Variants in IGF1R observed in about 807,000 individuals in gnomAD.
IGF1R encodes insulin like growth factor 1 receptor, also known as insulin-like growth factor 1 receptor.
A neutral mutation model predicts 144.6 loss-of-function variants in IGF1R; 44 were observed. The ratio of observed to expected loss-of-function variants is 0.30; its 90% confidence interval spans 0.24 to 0.39. The LOEUF (loss-of-function observed/expected upper bound fraction) is 0.39, where lower values mean the gene tolerates loss of function less well. IGF1R is among the 10% of genes least tolerant of loss of function. IGF1R has a pLI of 1.00. For missense variants in IGF1R, 1,355 were observed against 1,833.7 expected (o/e 0.74, Z 4.77); for synonymous variants, 795 against 722.8 (o/e 1.10, Z -1.60).
chr15:98,774,475 A>C (rs1292044491), intron 2 of IGF1R, among the ~76,000 whole-genome samples: 1 of 152,218 alleles, frequency 6.6e-6, no homozygotes, highest in Non-Finnish European at 1.5e-5. Flanking sequence ...AAAGTTGAGG[A>C]TTGTTTCTTT....
At chr15:98,721,518 G>A (rs1427028380) in intron 2 of IGF1R, among the ~76,000 whole-genome samples, 1 of 152,178 alleles carries the variant, frequency 6.6e-6, no homozygotes, top group African/African-American at 2.4e-5. Flanking sequence ...AGGAAGGGAA[G>A]GAGGAGGAGG....
chr15:98,948,153 A>G (rs4966048), intron 19 of IGF1R, among the ~76,000 whole-genome samples: 3,292 of 152,274 alleles, frequency 0.022, 45 homozygotes, highest in African/African-American at 0.034. Flanking sequence ...TGAGGCTACT[A>G]AGTCAATGTC....
At chr15:98,748,097 A>C (rs188427687) in intron 2 of IGF1R, among the ~76,000 whole-genome samples, 1 of 152,342 alleles carries the variant, frequency 6.6e-6, no homozygotes, top group African/African-American at 2.4e-5. Flanking sequence ...TCTATCAGAG[A>C]AATGTTTCTC....
At chr15:98,853,815 G>A (rs1477205887) in intron 2 of IGF1R, among the ~76,000 whole-genome samples, 2 of 152,196 alleles carry the variant, frequency 1.3e-5, no homozygotes, top group Non-Finnish European at 2.9e-5. Context: ...AGAAGTGCGG[G>A]GAGTGGAGGA....
chr15:98,817,348 A>G (rs2056716573), intron 2 of IGF1R, among the ~76,000 whole-genome samples: 1 of 151,390 alleles, frequency 6.6e-6, no homozygotes. Context: ...AATAGTAAGA[A>G]TACTGGGGTG....
At chr15:98,906,591 C>T (rs1163346618) in intron 5 of IGF1R, among the ~76,000 whole-genome samples, 1 of 152,250 alleles carries the variant, frequency 6.6e-6, no homozygotes, top group East Asian at 1.9e-4. Flanking sequence ...TGGATGGGGT[C>T]TACCCCCAGC....
rs1269145927 is a variant in IGF1R at position 98,837,898 on chromosome 15, G to A, written c.641-53427G>A. 2.6e-5 allele frequency among the ~76,000 whole-genome samples: 4 copies of A among 152,204 alleles called. No individual in the cohort carries two copies. In the South Asian group the frequency reaches 8.3e-4, roughly 31 times the overall value. ...TTCAATGTTGAGAGAGTGGCAGTCT[G>A]CTGGTTCCCAAGATGCCTTCTTCAC... On this transcript the variant is annotated intron_variant, in intron 2 of 20. Transcript: ENST00000650285.
chr15:98,666,149 G>A (rs2052732296), intron 1 of IGF1R, among the ~76,000 whole-genome samples: 1 of 152,208 alleles, frequency 6.6e-6, no homozygotes, highest in Non-Finnish European at 1.5e-5. Flanking sequence ...TTGGTGAAAT[G>A]TAAGTCAGAC....
rs543440708 is a variant in IGF1R at position 98,852,315 on chromosome 15, C to T, written c.641-39010C>T. Among the ~76,000 whole-genome samples the T allele has an allele frequency of 6.6e-5, 10 of 152,132 alleles. No individual in the cohort carries two copies. In the East Asian group the frequency reaches 1.7e-3, roughly 27 times the overall value. On this transcript the variant is annotated intron_variant, in intron 2 of 20. Coordinates refer to ENST00000650285, the MANE Select transcript of IGF1R (RefSeq NM_000875.5). ...TGTCTGGCGCGCGCGCCCCACCCCG[C>T]CCCGGGTGAGGGAAGAGGGAGCGGG...
At chr15:98,944,765 T>G (rs576134728) in intron 19 of IGF1R, among the ~76,000 whole-genome samples, 4 of 152,382 alleles carry the variant, frequency 2.6e-5, no homozygotes, top group Admixed American at 2.6e-4. Flanking sequence ...TGGTTGAGCT[T>G]CTGCTAAGAG....
At chr15:98,825,135 G>A (rs753081578) in intron 2 of IGF1R, among the ~76,000 whole-genome samples, 90 of 152,076 alleles carry the variant, frequency 5.9e-4, no homozygotes, top group Middle Eastern at 3.2e-3. Context: ...CACCATGCCC[G>A]GTTGTTTTGT....
intron 2 of IGF1R, among the ~76,000 whole-genome samples, chr15:98,866,678 G>C (rs941106153): frequency 1.4e-4 from 22 of 152,144 alleles, no homozygotes; most frequent in Non-Finnish European, 2.9e-4. Context: ...AGACCTTCAG[G>C]AGCCATGAAA....
chr15:98,822,461 G>A (rs1168314454), intron 2 of IGF1R, among the ~76,000 whole-genome samples: 34 of 152,162 alleles, frequency 2.2e-4, no homozygotes, highest in Admixed American at 2.2e-3. Flanking sequence ...GTCTTACAAG[G>A]TCCCGATGTA....
intron 10 of IGF1R, among the ~76,000 whole-genome samples, chr15:98,921,016 C>G (rs1267077434): frequency 1.3e-5 from 2 of 152,230 alleles, no homozygotes; most frequent in Admixed American, 1.3e-4. Flanking sequence ...GCCGCGCTCT[C>G]CCCTCCATGG....
intron 1 of IGF1R, among the ~76,000 whole-genome samples, chr15:98,665,703 G>T (rs2052719376): frequency 6.6e-6 from 1 of 152,256 alleles, no homozygotes. Context: ...GTGGATGGCT[G>T]CTTGCAAGGA....
chr15:98,846,238 A>G (rs1017825529), intron 2 of IGF1R, among the ~76,000 whole-genome samples: 6 of 152,154 alleles, frequency 3.9e-5, no homozygotes, highest in African/African-American at 1.2e-4. Context: ...TAAGCTGACA[A>G]TGCATTTGTA....
chr15:98,763,991 A>T (rs1366560084), intron 2 of IGF1R, among the ~76,000 whole-genome samples: 2 of 152,190 alleles, frequency 1.3e-5, no homozygotes, highest in Non-Finnish European at 2.9e-5. Flanking sequence ...GCAGAAGTCC[A>T]TGTTTTAGCT....
chr15:98,666,978 G>A (rs1469425148), intron 1 of IGF1R, among the ~76,000 whole-genome samples: 1 of 152,130 alleles, frequency 6.6e-6, no homozygotes, highest in Non-Finnish European at 1.5e-5. Context: ...TAGTTGGGGA[G>A]ACAAATTCAA....
intron 2 of IGF1R, among the ~76,000 whole-genome samples, chr15:98,868,537 A>T (rs1317393123): frequency 6.6e-6 from 1 of 151,746 alleles, no homozygotes; most frequent in Non-Finnish European, 1.5e-5. Flanking sequence ...GAGTTACGAG[A>T]ATTACGCTAG....
Sources: allele counts gnomAD v4.1 joint callset (sites outside exome capture counted in the v4.1 genomes callset), GRCh38; gene constraint gnomAD v4.1.1; transcripts MANE v1.5; gene names NCBI Gene and HGNC (gene_info 2026-07-23, HGNC 2026-07-21).